PDE1C: variants seen among roughly 807,000 people sequenced by gnomAD.
PDE1C encodes the protein phosphodiesterase 1C, also known as dual specificity calcium/calmodulin-dependent 3',5'-cyclic nucleotide phosphodiesterase 1C.
A neutral mutation model predicts 93.1 loss-of-function variants in PDE1C; 62 were observed. The ratio of observed to expected loss-of-function variants is 0.67; its 90% CI spans 0.54 to 0.82. The LOEUF is 0.82. PDE1C is among the 40% of genes least tolerant of loss of function. PDE1C has a pLI of 0.00. For synonymous variants in PDE1C, 325 were observed against 310.1 expected, an observed-to-expected ratio of 1.05 and a Z score of -0.50; for missense variants, 742 against 884.6, an observed-to-expected ratio of 0.84 and a Z score of 2.04.
chr7:32,083,636 G>A (rs559214291), intron 3 of PDE1C, among the ~76,000 whole-genome samples: 3 of 152,224 alleles, frequency 2.0e-5, no homozygotes, highest in Non-Finnish European at 2.9e-5. Flanking sequence ...AAGCCCATCA[G>A]ACTAACAGCA....
chr7:31,957,221 G>A (rs559383028), intron 2 of PDE1C, among the ~76,000 whole-genome samples: 1 of 150,950 alleles, frequency 6.6e-6, no homozygotes, highest in African/African-American at 2.4e-5. Flanking sequence ...GAAGGTTTAT[G>A]CAACCCCACG....
intron 2 of PDE1C, among the ~76,000 whole-genome samples, chr7:32,026,479 A>G (rs7781544): frequency 0.35 from 52,468 of 152,034 alleles, 10,718 homozygotes; most frequent in Non-Finnish European, 0.48. Context: ...AGTCTTCACC[A>G]TTGCACACCT....
At chr7:31,962,807 T>C (rs1173047528) in intron 2 of PDE1C, among the ~76,000 whole-genome samples, 1 of 151,920 alleles carries the variant, frequency 6.6e-6, no homozygotes, top group East Asian at 1.9e-4. Flanking sequence ...TCCATCTTTT[T>C]TCCAGTCAAG....
intron 1 of PDE1C, among the ~76,000 whole-genome samples, chr7:32,319,856 T>C (rs146262398): frequency 6.6e-6 from 1 of 152,230 alleles, no homozygotes. Context: ...ACCTATTTCA[T>C]GTTGACTAAA....
At position 31,803,791 on chromosome 7, in the gene PDE1C, C is replaced by T. The variant is rs183235484; in HGVS notation, c.1891+5240G>A. On this transcript the variant is annotated intron_variant, in intron 16 of 17. Transcript: ENST00000396191. ...ATGTGCCACATTTTCTTAATTCAGT[C>T]TATCGTTGTTGGACATTTAGGTTGG... Among the ~76,000 whole-genome samples, 3 of 152,078 alleles carry T rather than the reference C, an allele frequency of 2.0e-5. No homozygotes were observed. In the East Asian group the frequency reaches 5.8e-4, roughly 30 times the overall value.
intron 2 of PDE1C, among the ~76,000 whole-genome samples, chr7:31,962,075 A>C (rs1193948895): frequency 3.3e-5 from 5 of 152,182 alleles, no homozygotes; most frequent in African/African-American, 1.2e-4. Context: ...TCATAACTAA[A>C]AATAAAACTC....
chr7:31,853,463 A>G (rs1793598390), intron 7 of PDE1C, among the ~76,000 whole-genome samples: 1 of 152,182 alleles, frequency 6.6e-6, no homozygotes, highest in Non-Finnish European at 1.5e-5. Context: ...AAGTCCCAGC[A>G]GCAAAAGCAT....
In PDE1C at chr7:32,420,619, T is replaced by C. The variant is rs1785412631; in HGVS notation, c.310+7203A>G. Among the ~76,000 whole-genome samples the C allele has an allele frequency of 2.0e-5, 3 of 151,640 alleles. No homozygotes were observed. In the South Asian group the frequency reaches 6.2e-4, roughly 32 times the overall value. On this transcript the variant is annotated intron_variant, in intron 1 of 1. Coordinates refer to the PDE1C transcript ENST00000672256. ...GCTACCTCAAAGGTTTGTCGTGAGATTTGAGTAAGATTGTAATTGTTCAAG... is the reference window on the plus strand; with the variant it reads ...GCTACCTCAAAGGTTTGTCGTGAGACTTGAGTAAGATTGTAATTGTTCAAG...
At chr7:31,849,996 C>G (rs145825914) in intron 8 of PDE1C, among the ~76,000 whole-genome samples, 3 of 152,230 alleles carry the variant, frequency 2.0e-5, no homozygotes, top group African/African-American at 7.2e-5. Flanking sequence ...TGTTACAGGT[C>G]AGGAGGTTCC....
At chr7:32,042,237 T>C (rs1584566817) in intron 2 of PDE1C, among the ~76,000 whole-genome samples, 1 of 152,228 alleles carries the variant, frequency 6.6e-6, no homozygotes, top group South Asian at 2.1e-4. Flanking sequence ...GAGGCAGAGG[T>C]TGCAGTGAGC....
At chr7:31,653,803 G>A in the PDE1C span, 3 of 152,172 alleles carry the variant, frequency 2.0e-5, no homozygotes, top group Non-Finnish European at 4.4e-5. Context: ...GGAAATAACA[G>A]GTTTTGTGAA....
intron 1 of PDE1C, among the ~76,000 whole-genome samples, chr7:32,256,145 C>T (rs1244241655): frequency 6.6e-6 from 1 of 152,154 alleles, no homozygotes; most frequent in Non-Finnish European, 1.5e-5. Context: ...GTGTGTTTTG[C>T]CACTTCACCT....
chr7:31,917,607 G>GGA (rs1563028545), intron 2 of PDE1C, among the ~76,000 whole-genome samples: 1 of 146,300 alleles, frequency 6.8e-6, no homozygotes, highest in African/African-American at 2.5e-5. Context: ...GCAACTGAAT[G>GGA]AAAAAAAAAA....
At chr7:32,192,905 T>C (rs1369406924) in intron 2 of PDE1C, among the ~76,000 whole-genome samples, 4 of 152,174 alleles carry the variant, frequency 2.6e-5, no homozygotes, top group Non-Finnish European at 5.9e-5. Flanking sequence ...CTACAAGTGT[T>C]GTTAGATTTA....
chr7:31,955,741 A>T (rs2129021100), intron 2 of PDE1C, among the ~76,000 whole-genome samples: 1 of 152,314 alleles, frequency 6.6e-6, no homozygotes, highest in South Asian at 2.1e-4. Context: ...AGGGTCCGGG[A>T]AATTAAATGA....
At chr7:31,816,278 T>C in intron 14 of PDE1C, 124 bp from the exon 15 acceptor site, 1 of 860,016 alleles carries the variant, frequency 1.2e-6, no homozygotes, top group African/African-American at 1.7e-5. Flanking sequence ...GGGTACATTT[T>C]TGCTTAATTC....
intron 3 of PDE1C, 48 bp from the exon 4 acceptor site, chr7:31,879,226 G>C: frequency 1.1e-5 from 17 of 1,560,948 alleles, no homozygotes; most frequent in Non-Finnish European, 1.5e-5. Context: ...ATCTGAAGTT[G>C]GAGCTCTCTG....
At chr7:32,070,552 A>G, upstream of PDE1C, 1 of 1,453,828 alleles carries the variant, frequency 6.9e-7, no homozygotes, top group Non-Finnish European at 9.0e-7. Flanking sequence ...ACTCCGACTT[A>G]GAGCGGACTC....
At chr7:32,001,191 T>C (rs1411333722) in intron 2 of PDE1C, among the ~76,000 whole-genome samples, 2 of 152,202 alleles carry the variant, frequency 1.3e-5, no homozygotes. Context: ...CTTTGGAGAA[T>C]AGGACTGAGA....
Sources: gnomAD v4.1 joint callset for allele counts (sites outside exome capture counted in the v4.1 genomes callset) on GRCh38, gnomAD v4.1.1 for gene constraint, MANE v1.5 for transcripts, NCBI Gene and HGNC (gene_info 2026-07-23, HGNC 2026-07-21) for gene names.